FRMD4A: variants seen among roughly 807,000 people sequenced by gnomAD.
The protein encoded by FRMD4A is FERM domain-containing protein 4A.
A neutral mutation model predicts 129.1 loss-of-function variants in FRMD4A; 29 were observed. The observed-to-expected ratio is 0.22, with a 90% CI of 0.17 to 0.31. The LOEUF is 0.31. FRMD4A is among the 10% of genes least tolerant of loss of function. The pLI is 1.00. For missense variants in FRMD4A, 1,272 were observed against 1,375.8 expected, an observed-to-expected ratio of 0.92 and a Z score of 1.19; for synonymous variants, 634 against 571.6, an observed-to-expected ratio of 1.11 and a Z score of -1.56.
At chr10:13,957,826 C>G (rs1178228087) in intron 2 of FRMD4A, among the ~76,000 whole-genome samples, 2 of 152,116 alleles carry the variant, frequency 1.3e-5, no homozygotes, top group Admixed American at 6.6e-5. Flanking sequence ...CTCACTCACT[C>G]CTTTTCTTTC....
At chr10:13,728,105 T>G (rs1326768700) in intron 12 of FRMD4A, among the ~76,000 whole-genome samples, 5 of 152,170 alleles carry the variant, frequency 3.3e-5, no homozygotes, top group East Asian at 1.9e-4. Context: ...CAACAACTCC[T>G]AGGGTTTCAG....
intron 5 of FRMD4A, among the ~76,000 whole-genome samples, chr10:13,795,499 T>C (rs185259057): frequency 1.9e-3 from 297 of 152,338 alleles, no homozygotes; most frequent in African/African-American, 6.9e-3. Context: ...AGGATGCCTA[T>C]GTCTGGAACT....
chr10:13,789,990 C>T (rs1258735211), intron 5 of FRMD4A, among the ~76,000 whole-genome samples: 2 of 151,988 alleles, frequency 1.3e-5, no homozygotes, highest in African/African-American at 4.8e-5. Context: ...TGGAAGGGGT[C>T]AAGGCCAGAC....
chr10:13,963,307 A>G (rs891985514), intron 2 of FRMD4A, among the ~76,000 whole-genome samples: 15 of 141,422 alleles, frequency 1.1e-4, no homozygotes, highest in African/African-American at 3.7e-4. Context: ...CATATGTTGT[A>G]GATAATCAGA....
intron 15 of FRMD4A, among the ~76,000 whole-genome samples, chr10:13,688,052 C>T (rs552044439): frequency 3.9e-4 from 60 of 152,264 alleles, no homozygotes; most frequent in Admixed American, 8.5e-4. Flanking sequence ...ACTTTAACTA[C>T]GCTGAAATCA....
intron 2 of FRMD4A, among the ~76,000 whole-genome samples, chr10:14,285,343 T>G (rs1164506395): frequency 6.6e-6 from 1 of 152,204 alleles, no homozygotes; most frequent in Non-Finnish European, 1.5e-5. Context: ...CAGCTTGTAT[T>G]TCATAGGCAA....
chr10:14,065,016 T>A (rs1834989316), intron 2 of FRMD4A, among the ~76,000 whole-genome samples: 1 of 152,200 alleles, frequency 6.6e-6, no homozygotes, highest in African/African-American at 2.4e-5. Context: ...CATACTGTTT[T>A]TAAGCATTTC....
intron 2 of FRMD4A, among the ~76,000 whole-genome samples, chr10:14,125,125 A>G (rs1342794349): frequency 6.6e-6 from 1 of 152,232 alleles, no homozygotes; most frequent in Non-Finnish European, 1.5e-5. Flanking sequence ...AATCAAGTCC[A>G]GGACTAAGGG....
intron 2 of FRMD4A, among the ~76,000 whole-genome samples, chr10:14,095,797 GT>G (rs1242990080): frequency 1.3e-5 from 2 of 152,358 alleles, no homozygotes; most frequent in African/African-American, 4.8e-5. Flanking sequence ...CTTCTCCAGA[GT>G]TTAATCATGC....
At chr10:14,018,073 G>A (rs932676277) in intron 2 of FRMD4A, among the ~76,000 whole-genome samples, 3 of 152,040 alleles carry the variant, frequency 2.0e-5, no homozygotes, top group African/African-American at 4.8e-5. Context: ...TCTATGGCAC[G>A]AATGCAGTTA....
At chr10:13,845,309 G>T (rs532390528) in intron 3 of FRMD4A, among the ~76,000 whole-genome samples, 1 of 152,166 alleles carries the variant, frequency 6.6e-6, no homozygotes, top group Non-Finnish European at 1.5e-5. Flanking sequence ...AATCACCAGT[G>T]TTCATGAAAA....
intron 6 of FRMD4A, among the ~76,000 whole-genome samples, chr10:13,778,757 C>G (rs558149345): frequency 4.3e-4 from 66 of 152,158 alleles, no homozygotes; most frequent in Admixed American, 3.8e-3. Context: ...GACAAGCGCA[C>G]GAGGAGAGCC....
At chr10:14,255,804 A>C (rs1277906972) in intron 2 of FRMD4A, among the ~76,000 whole-genome samples, 1 of 152,140 alleles carries the variant, frequency 6.6e-6, no homozygotes, top group Non-Finnish European at 1.5e-5. Context: ...TCAAGAGTTC[A>C]AGACCAGCCT....
intron 2 of FRMD4A, among the ~76,000 whole-genome samples, chr10:14,098,359 C>G (rs1180243974): frequency 6.6e-6 from 1 of 150,930 alleles, no homozygotes; most frequent in African/African-American, 2.4e-5. Context: ...ATTTCCTTGA[C>G]TGATAAAGGA....
chr10:14,128,006 T>TCC (rs1564319689), intron 2 of FRMD4A, among the ~76,000 whole-genome samples: 5,070 of 102,662 alleles, frequency 0.049, 344 homozygotes, highest in African/African-American at 0.064. Context: ...CTCTCTTTCT[T>TCC]TCTTTCTTCC....
chr10:13,940,083 T>C (rs116848754), intron 2 of FRMD4A, among the ~76,000 whole-genome samples: 4 of 152,144 alleles, frequency 2.6e-5, no homozygotes, highest in Non-Finnish European at 5.9e-5. Flanking sequence ...GAAACATTGC[T>C]ACAGCCCATG....
At chr10:13,981,312 T>G (rs975636312) in intron 2 of FRMD4A, among the ~76,000 whole-genome samples, 1 of 152,136 alleles carries the variant, frequency 6.6e-6, no homozygotes, top group Admixed American at 6.6e-5. Flanking sequence ...GGTGAATCAA[T>G]GGGTTTAAAG....
intron 15 of FRMD4A, chr10:13,684,492 G>A (rs935634949): frequency 7.1e-6 from 7 of 985,140 alleles, no homozygotes; most frequent in East Asian, 2.3e-4. Flanking sequence ...GTGGAGGAGC[G>A]GATGTGGAGG....
intron 2 of FRMD4A, among the ~76,000 whole-genome samples, chr10:13,915,974 G>C (rs1737626491): frequency 6.6e-6 from 1 of 152,220 alleles, no homozygotes; most frequent in Non-Finnish European, 1.5e-5. Flanking sequence ...CCCAACACTA[G>C]TAATTTGTAT....
Sources: gnomAD v4.1 joint callset for allele counts (sites outside exome capture counted in the v4.1 genomes callset) on GRCh38, gnomAD v4.1.1 for gene constraint, MANE v1.5 for transcripts, NCBI Gene and HGNC (gene_info 2026-07-23, HGNC 2026-07-21) for gene names.